The following GRIA3 variants were observed in gnomAD, a reference collection of about 807,000 sequenced individuals.
GRIA3 encodes the protein glutamate receptor 3.
A neutral mutation model predicts 63.0 loss-of-function variants in GRIA3; 3 were observed. The ratio of observed to expected loss-of-function variants is 0.05; its 90% confidence interval spans 0.02 to 0.12. GRIA3 has a LOEUF of 0.12. Among genes scored for constraint, GRIA3 ranks in the 10% least tolerant of loss-of-function variants. The probability of loss-of-function intolerance (pLI) is 1.00; values close to 1 mark genes in which losing one functional copy is unlikely to be tolerated. For synonymous variants in GRIA3, 274 were observed against 257.9 expected, an observed-to-expected ratio of 1.06 and a Z score of -0.60; for missense variants, 347 against 700.9, an observed-to-expected ratio of 0.50 and a Z score of 5.70.
chrX:123,238,551 G>A (rs1466596022), intron 2 of GRIA3, among the ~76,000 whole-genome samples: 2 of 111,532 alleles, frequency 1.8e-5, no homozygotes, highest in Non-Finnish European at 3.8e-5. Flanking sequence ...CAAAACATAT[G>A]TTTCATGAAA....
chrX:123,451,508 A>T (rs1238513048), intron 12 of GRIA3, among the ~76,000 whole-genome samples: 26 of 59,205 alleles, frequency 4.4e-4, no homozygotes, highest in African/African-American at 1.7e-3. Context: ...CTGTCTCTAA[A>T]AAAAAAAAAA....
intron 5 of GRIA3, among the ~76,000 whole-genome samples, chrX:123,364,106 C>T (rs1186821311): frequency 8.9e-6 from 1 of 112,042 alleles, no homozygotes; most frequent in Non-Finnish European, 1.9e-5. Flanking sequence ...CACTAGAATT[C>T]GATAAGTTTA....
At chrX:123,320,308 C>A (rs184101712) in intron 3 of GRIA3, among the ~76,000 whole-genome samples, 1 of 112,111 alleles carries the variant, frequency 8.9e-6, no homozygotes, top group East Asian at 2.8e-4. Flanking sequence ...TGGGCAGACT[C>A]AAAAACAATG....
chrX:123,486,399 T>G (rs1318436880), intron 15 of GRIA3, among the ~76,000 whole-genome samples: 1 of 111,835 alleles, frequency 8.9e-6, no homozygotes, highest in Non-Finnish European at 1.9e-5. Flanking sequence ...CACATTTTAA[T>G]AGACTCCCAT....
At chrX:123,302,351 G>A (rs147411443) in intron 3 of GRIA3, among the ~76,000 whole-genome samples, 2 of 111,717 alleles carry the variant, frequency 1.8e-5, no homozygotes, top group Admixed American at 9.5e-5. Context: ...TAATGGGATG[G>A]TCTCTACATG....
intron 2 of GRIA3, among the ~76,000 whole-genome samples, chrX:123,210,010 T>C (rs1927999233): frequency 9.1e-6 from 1 of 109,939 alleles, no homozygotes; most frequent in African/African-American, 3.3e-5. Context: ...TGTTGGTTGG[T>C]TTGTTTTTCT....
chrX:123,464,536 G>T (rs1324085389), intron 12 of GRIA3, among the ~76,000 whole-genome samples: 3 of 111,423 alleles, frequency 2.7e-5, no homozygotes, highest in South Asian at 7.6e-4. Flanking sequence ...TTGAGAGGAA[G>T]GTTGAACTAA....
intron 3 of GRIA3, among the ~76,000 whole-genome samples, chrX:123,320,631 A>G (rs2044861834): frequency 8.9e-6 from 1 of 112,018 alleles, no homozygotes; most frequent in African/African-American, 3.2e-5. Flanking sequence ...AGTTCTGTCC[A>G]CACCAAAATG....
At chrX:123,452,271 A>G (rs2147419893) in intron 12 of GRIA3, among the ~76,000 whole-genome samples, 1 of 110,846 alleles carries the variant, frequency 9.0e-6, no homozygotes, top group South Asian at 3.9e-4. Flanking sequence ...CTTCCCAGGT[A>G]CATAGTATTT....
chrX:123,304,731 G>A (rs2044744773), intron 3 of GRIA3, among the ~76,000 whole-genome samples: 1 of 112,026 alleles, frequency 8.9e-6, no homozygotes, highest in Non-Finnish European at 1.9e-5. Flanking sequence ...GTAGTTTGAA[G>A]AATTAAATAA....
chrX:123,385,225 A>T (rs1057307670), intron 5 of GRIA3, among the ~76,000 whole-genome samples: 3 of 112,097 alleles, frequency 2.7e-5, no homozygotes, highest in Non-Finnish European at 5.6e-5. Context: ...ATGGCTAGCC[A>T]CTTCTCCTAG....
At chrX:123,334,382 G>T (rs1373398724) in intron 4 of GRIA3, among the ~76,000 whole-genome samples, 1 of 111,327 alleles carries the variant, frequency 9.0e-6, no homozygotes, top group East Asian at 2.8e-4. Flanking sequence ...ACAATTCTCT[G>T]GTCATACCTC....
At chrX:123,449,163 T>C (rs1301597970) in intron 12 of GRIA3, among the ~76,000 whole-genome samples, 2 of 112,102 alleles carry the variant, frequency 1.8e-5, no homozygotes, top group African/African-American at 6.5e-5. Context: ...TTCCAGAGCA[T>C]TGGTGACTAG....
At chrX:123,446,351 C>G (rs1251492150) in intron 12 of GRIA3, among the ~76,000 whole-genome samples, 1 of 112,260 alleles carries the variant, frequency 8.9e-6, no homozygotes, top group Non-Finnish European at 1.9e-5. Context: ...CTGCTTCTCA[C>G]TAATAACATG....
chrX:123,245,014 A>G (rs756431878), intron 2 of GRIA3, among the ~76,000 whole-genome samples: 86 of 112,446 alleles, frequency 7.6e-4, no homozygotes, highest in African/African-American at 2.4e-3. Flanking sequence ...GAAGCAACTG[A>G]CCAGTTAAGA....
intron 2 of GRIA3, among the ~76,000 whole-genome samples, chrX:123,231,785 T>C (rs1284994835): frequency 9.0e-6 from 1 of 110,885 alleles, no homozygotes; most frequent in East Asian, 2.9e-4. Context: ...AGCTCCCCCA[T>C]CTGCCCCTCT....
rs1448551833 is a variant in GRIA3 at position 123,339,659 on chromosome X, T to C, written c.696+13446T>C. On this transcript the variant is annotated intron_variant, in intron 4 of 15. Coordinates refer to ENST00000620443, the MANE Select transcript of GRIA3 (RefSeq NM_007325.5). ...GTTGAACTAAGTTTCCAAGGACCCA[T>C]TGAAGATCATCTGGTTTGGAAAGGG... Among the ~76,000 whole-genome samples the C allele has an allele frequency of 6.2e-5, 7 of 112,122 alleles. No individual in the cohort carries two copies. In the South Asian group the frequency reaches 1.1e-3, roughly 18 times the overall value.
intron 4 of GRIA3, among the ~76,000 whole-genome samples, chrX:123,327,832 C>G (rs1363634627): frequency 1.1e-5 from 1 of 93,786 alleles, no homozygotes; most frequent in African/African-American, 4.2e-5. Context: ...CCTTCCCCCC[C>G]ACAAAAAAAA....
intron 2 of GRIA3, among the ~76,000 whole-genome samples, chrX:123,233,640 A>G (rs2044287248): frequency 8.9e-6 from 1 of 111,961 alleles, no homozygotes; most frequent in Non-Finnish European, 1.9e-5. Flanking sequence ...CTAGGCTTTT[A>G]GTTACTAAGA....
Sources: gnomAD v4.1 joint callset for allele counts (sites outside exome capture counted in the v4.1 genomes callset) on GRCh38, gnomAD v4.1.1 for gene constraint, MANE v1.5 for transcripts, NCBI Gene and HGNC (gene_info 2026-07-23, HGNC 2026-07-21) for gene names.